The following SND1 variants were observed in gnomAD, a reference collection of about 807,000 sequenced individuals.
SND1 encodes staphylococcal nuclease domain-containing protein 1.
SND1 carries 38 observed loss-of-function variants against 121.7 expected under a neutral mutation model. The ratio of observed to expected loss-of-function variants is 0.31; its 90% CI spans 0.24 to 0.41. The LOEUF is 0.41. Among genes scored for constraint, SND1 ranks in the 10% least tolerant of loss-of-function variants. The probability of loss-of-function intolerance (pLI) is 1.00; values close to 1 mark genes in which losing one functional copy is unlikely to be tolerated. For missense variants in SND1, 868 were observed against 1,184.6 expected (o/e 0.73, Z 3.92); for synonymous variants, 401 against 447.4 (o/e 0.90, Z 1.31).
chr7:127,846,521 T>C (rs1799066181), intron 12 of SND1, among the ~76,000 whole-genome samples: 1 of 152,198 alleles, frequency 6.6e-6, no homozygotes, highest in African/African-American at 2.4e-5. Flanking sequence ...GTTGTGTCCC[T>C]AAAGATAGGG....
chr7:128,089,743 G>A (rs778657833), intron 22 of SND1, 51 bp downstream of exon 22: 1 of 1,521,154 alleles, frequency 6.6e-7, no homozygotes, highest in Non-Finnish European at 9.1e-7. Flanking sequence ...CCCTCACAGA[G>A]AAAGGGACTG....
At chr7:127,810,083 A>G (rs1798306346) in intron 11 of SND1, among the ~76,000 whole-genome samples, 6 of 152,206 alleles carry the variant, frequency 3.9e-5, no homozygotes, top group Admixed American at 3.3e-4. Context: ...AGAATCTTTC[A>G]TAGCCCTACT....
intron 11 of SND1, among the ~76,000 whole-genome samples, chr7:127,822,168 T>C (rs1798560064): frequency 6.6e-6 from 1 of 152,220 alleles, no homozygotes; most frequent in South Asian, 2.1e-4. Context: ...GTATTACGAT[T>C]TCCTTGTAAG....
At chr7:127,857,984 C>G in intron 12 of SND1, 1 of 1,448,292 alleles carries the variant, frequency 6.9e-7, no homozygotes, top group Non-Finnish European at 9.7e-7. Context: ...GTGAAGGGCC[C>G]ATGCAGCTCG....
intron 22 of SND1, among the ~76,000 whole-genome samples, chr7:128,091,416 G>T (rs1028129127): frequency 5.9e-5 from 9 of 151,556 alleles, no homozygotes; most frequent in South Asian, 2.1e-4. Flanking sequence ...TAGAGATGGG[G>T]TCAGCCTGGT....
intron 14 of SND1, among the ~76,000 whole-genome samples, chr7:127,918,446 G>T (rs1481431441): frequency 6.6e-6 from 1 of 152,034 alleles, no homozygotes; most frequent in Non-Finnish European, 1.5e-5. Flanking sequence ...GTTTTTAAAT[G>T]CATCAAATAT....
intron 14 of SND1, among the ~76,000 whole-genome samples, chr7:127,908,292 C>G (rs1281911606): frequency 6.7e-6 from 1 of 148,554 alleles, no homozygotes; most frequent in African/African-American, 2.5e-5. Context: ...GAGACCCCAT[C>G]TCTACCAAAA....
At chr7:127,941,713 T>C (rs1455325364) in intron 15 of SND1, among the ~76,000 whole-genome samples, 1 of 152,234 alleles carries the variant, frequency 6.6e-6, no homozygotes, top group African/African-American at 2.4e-5. Context: ...CATTTTAAAT[T>C]ACAAGCTAGA....
intron 12 of SND1, 29 bp downstream of exon 12, chr7:127,844,453 C>A: frequency 5.1e-6 from 8 of 1,554,326 alleles, no homozygotes; most frequent in Non-Finnish European, 7.1e-6. Flanking sequence ...ATGGACTCAG[C>A]TGTCATCTCA....
intron 14 of SND1, among the ~76,000 whole-genome samples, chr7:127,925,504 A>C (rs953521103): frequency 6.6e-6 from 1 of 152,092 alleles, no homozygotes; most frequent in African/African-American, 2.4e-5. Flanking sequence ...GAAATATTTG[A>C]TATTACCTTG....
At chr7:127,725,880 G>A (rs971136999) in intron 10 of SND1, among the ~76,000 whole-genome samples, 1 of 152,158 alleles carries the variant, frequency 6.6e-6, no homozygotes, top group Admixed American at 6.5e-5. Flanking sequence ...GGCCTCCACT[G>A]CTAGCTCCCA....
chr7:128,028,098 T>C (rs893763831), intron 16 of SND1: 1 of 152,694 alleles, frequency 6.5e-6, no homozygotes, highest in Admixed American at 6.5e-5. Context: ...TTAAAATACA[T>C]GTACAGGTCT....
intron 15 of SND1, among the ~76,000 whole-genome samples, chr7:127,940,277 CT>C (rs1801165045): frequency 6.6e-6 from 1 of 152,180 alleles, no homozygotes; most frequent in South Asian, 2.1e-4. Flanking sequence ...CTTCTTGTGG[CT>C]TTCCCAGAGG....
chr7:127,773,404 A>G (rs930975045), intron 10 of SND1, among the ~76,000 whole-genome samples: 1 of 151,856 alleles, frequency 6.6e-6, no homozygotes, highest in Non-Finnish European at 1.5e-5. Flanking sequence ...GTGAGCTGAG[A>G]TTGTGCCACT....
intron 12 of SND1, among the ~76,000 whole-genome samples, chr7:127,874,282 A>G (rs777555365): frequency 3.3e-5 from 5 of 152,192 alleles, no homozygotes; most frequent in Middle Eastern, 3.2e-3. Flanking sequence ...CAACAGTGTG[A>G]TATGTTAAAA....
intron 1 of SND1, chr7:127,679,134 T>G (rs1408050072): frequency 2.6e-5 from 4 of 152,236 alleles, no homozygotes; most frequent in Admixed American, 2.6e-4. Flanking sequence ...AGAAAAAGCT[T>G]GTATTGCTTC....
Position 128,092,287 on chromosome 7 carries a change from C to T in SND1, c.*229C>T. On this transcript the variant is annotated 3_prime_UTR_variant, in exon 24 of 24. Coordinates refer to ENST00000354725, the MANE Select transcript of SND1 (RefSeq NM_014390.4). This position sits in a 1 kb window ranked among gnomAD's most constrained non-coding sequence, Gnocchi z 4.9. ...GATGATGGGCACTGCTATCCACAGT[C>T]TCTGCCAGTTGGTTTTATTTGGAGG... The T allele has an allele frequency of 1.9e-6, 1 of 519,186 alleles. No homozygotes were observed. Among genetic ancestry groups the T allele is most frequent in the Admixed American group, 3.3e-5 (1 of 29,946 alleles). The allele number at this position is 519,186 out of a possible 1,614,324, so 32.2% of individuals were successfully genotyped here.
intron 15 of SND1, among the ~76,000 whole-genome samples, chr7:127,989,153 T>C (rs1233484175): frequency 2.0e-5 from 3 of 152,176 alleles, no homozygotes; most frequent in African/African-American, 2.4e-5. Flanking sequence ...CACCCCTCCC[T>C]TGCAGGCCGG....
intron 12 of SND1, among the ~76,000 whole-genome samples, chr7:127,869,439 C>T (rs1799537850): frequency 6.6e-6 from 1 of 152,124 alleles, no homozygotes; most frequent in Non-Finnish European, 1.5e-5. Context: ...CTACTTTGAC[C>T]TTCAGAGATT....
Sources: allele counts gnomAD v4.1 joint callset (sites outside exome capture counted in the v4.1 genomes callset), GRCh38; gene constraint gnomAD v4.1.1; non-coding constraint Gnocchi (gnomAD v3.1); transcripts MANE v1.5; gene names NCBI Gene and HGNC (gene_info 2026-07-23, HGNC 2026-07-21).